ZDHHC7: variants seen among roughly 807,000 people sequenced by gnomAD.
ZDHHC7 encodes palmitoyltransferase ZDHHC7.
ZDHHC7 carries 12 observed loss-of-function variants against 34.1 expected under a neutral mutation model. The ratio of observed to expected loss-of-function variants is 0.35; its 90% CI spans 0.23 to 0.57. The LOEUF (loss-of-function observed/expected upper bound fraction) is 0.57. Among genes scored for constraint, ZDHHC7 ranks in the 20% least tolerant of loss-of-function variants. The pLI is 0.84. For synonymous variants in ZDHHC7, 185 were observed against 155.4 expected (o/e 1.19, Z -1.42); for missense variants, 388 against 402.7 (o/e 0.96, Z 0.31).
At chr16:85,025,420 T>TGG in the ZDHHC7 span, among the ~76,000 whole-genome samples, 2 of 111,884 alleles carry the variant, frequency 1.8e-5, no homozygotes, top group African/African-American at 4.2e-5. Flanking sequence ...ATTCCTTTTT[T>TGG]GGGGGGGGGG....
At position 85,011,471 on chromosome 16, in the gene ZDHHC7, C is replaced by CA. The variant is rs1001452131; in HGVS notation, c.-290dup. On this transcript the variant is annotated 5_prime_UTR_variant, in exon 1 of 8. Coordinates refer to ENST00000313732, the MANE Select transcript of ZDHHC7 (RefSeq NM_017740.3). ...CGCCGGGCAGGTCGGAAGGAGGCTGCAGCCAAGCAAATGCCTCAGCCCGGA... is the reference window on the plus strand; with the variant it reads ...CGCCGGGCAGGTCGGAAGGAGGCTGCAAGCCAAGCAAATGCCTCAGCCCGGA... The CA allele has an allele frequency of 6.6e-6, 1 of 152,214 alleles. No homozygotes were observed. Among genetic ancestry groups the CA allele is most frequent in the Non-Finnish European group, 1.5e-5 (1 of 68,024 alleles). The allele number at this position is 152,214 out of a possible 1,614,324, so 9.4% of individuals were successfully genotyped here.
chr16:84,981,216 G>A (rs781603828), intron 4 of ZDHHC7, among the ~76,000 whole-genome samples: 6 of 152,178 alleles, frequency 3.9e-5, no homozygotes, highest in Non-Finnish European at 8.8e-5. Context: ...AGGATAAAAT[G>A]CAACCAAGAC....
upstream of ZDHHC7, among the ~76,000 whole-genome samples, chr16:85,016,252 G>A (rs2072833665): frequency 6.6e-6 from 1 of 151,936 alleles, no homozygotes; most frequent in African/African-American, 2.4e-5. Flanking sequence ...AAACTCCTGA[G>A]CTCACGTGAT....
chr16:84,998,482 G>A (rs7201277), intron 1 of ZDHHC7, among the ~76,000 whole-genome samples: 25,669 of 151,976 alleles, frequency 0.17, 2,968 homozygotes, highest in East Asian at 0.33. Context: ...CCCAGCTACT[G>A]TCTGTTGTCT....
intron 1 of ZDHHC7, among the ~76,000 whole-genome samples, chr16:85,003,613 A>T (rs1337467228): frequency 6.6e-6 from 1 of 152,200 alleles, no homozygotes; most frequent in Non-Finnish European, 1.5e-5. Context: ...GAAAAAAAAA[A>T]TCCACACCAG....
intron 2 of ZDHHC7, among the ~76,000 whole-genome samples, chr16:84,993,481 T>G (rs78335679): frequency 7.4e-5 from 8 of 108,212 alleles, no homozygotes; most frequent in African/African-American, 1.5e-4. Flanking sequence ...AACAAAATTG[T>G]TTTTTTTTTT....
chr16:84,993,586 G>A (rs1477963572), intron 2 of ZDHHC7, among the ~76,000 whole-genome samples: 1 of 151,564 alleles, frequency 6.6e-6, no homozygotes, highest in Non-Finnish European at 1.5e-5. Context: ...AGGCTACAGT[G>A]AGCCACAATC....
At chr16:85,011,652 A>G (rs1010123594), upstream of ZDHHC7, 1 of 152,220 alleles carries the variant, frequency 6.6e-6, no homozygotes, top group Non-Finnish European at 1.5e-5. Flanking sequence ...CTGGCAGTTC[A>G]TTGAGAAAAG....
At chr16:84,983,615 G>A (rs2072399088) in intron 3 of ZDHHC7, among the ~76,000 whole-genome samples, 1 of 152,174 alleles carries the variant, frequency 6.6e-6, no homozygotes. Context: ...AGCTGTTTTG[G>A]TCAAGATCAA....
intron 2 of ZDHHC7, among the ~76,000 whole-genome samples, chr16:84,993,742 C>A (rs749478025): frequency 1.3e-5 from 2 of 152,150 alleles, no homozygotes; most frequent in Non-Finnish European, 2.9e-5. Flanking sequence ...ACCCCTTAGC[C>A]AACCATTCCT....
In ZDHHC7 at chr16:84,974,314, G is replaced by A. The variant is rs1369502051; in HGVS notation, c.*2029C>T. On this transcript the variant is annotated 3_prime_UTR_variant, in exon 8 of 8. Coordinates refer to ENST00000313732, the MANE Select transcript of ZDHHC7 (RefSeq NM_017740.3). The stretch of plus-strand genomic sequence containing the variant: ...TTGTGAGTCGCGCTTGAGTGCCCAG[G>A]TCACTTGTCATGGGCACAAAAGCAT... 1 of 152,190 alleles carries A rather than the reference G, an allele frequency of 6.6e-6. No homozygotes were observed. Among genetic ancestry groups the A allele is most frequent in the Non-Finnish European group, 1.5e-5 (1 of 68,034 alleles). The allele number at this position is 152,190 out of a possible 1,614,324, so 9.4% of individuals were successfully genotyped here. A position where few individuals can be genotyped will look rare whatever the true frequency, so the allele number is the denominator to read the frequency against.
upstream of ZDHHC7, among the ~76,000 whole-genome samples, chr16:85,016,142 T>C (rs994833983): frequency 7.2e-5 from 11 of 152,198 alleles, no homozygotes; most frequent in Non-Finnish European, 5.9e-5. Flanking sequence ...ATTCAGTTGG[T>C]TGGGGGGCTT....
At chr16:84,977,064 T>C in intron 7 of ZDHHC7, 31 bp downstream of exon 7, 1 of 1,613,304 alleles carries the variant, frequency 6.2e-7, no homozygotes, top group Non-Finnish European at 8.5e-7. Context: ...GGACCACATA[T>C]GAAGTCCACA....
the ZDHHC7 span, among the ~76,000 whole-genome samples, chr16:85,017,493 T>C: frequency 6.6e-6 from 1 of 152,160 alleles, no homozygotes; most frequent in African/African-American, 2.4e-5. Context: ...CCAAGAGACT[T>C]CTACTAGAAT....
chr16:84,993,442 C>T (rs535566985), intron 2 of ZDHHC7, among the ~76,000 whole-genome samples: 26 of 151,678 alleles, frequency 1.7e-4, no homozygotes, highest in Admixed American at 4.6e-4. Context: ...GACTGGCCTG[C>T]GCAACATGGG....
upstream of ZDHHC7, among the ~76,000 whole-genome samples, chr16:85,011,944 A>G (rs1389856592): frequency 6.6e-6 from 1 of 152,212 alleles, no homozygotes; most frequent in African/African-American, 2.4e-5. Flanking sequence ...ACTTGGGAAA[A>G]GAGGAAAGCG....
chr16:85,005,044 T>A (rs2072701543), intron 1 of ZDHHC7: 1 of 152,198 alleles, frequency 6.6e-6, no homozygotes, highest in South Asian at 2.1e-4. Flanking sequence ...TTCATCCCTG[T>A]ACGAGAGCCA....
At chr16:85,003,855 G>T (rs2072682972) in intron 1 of ZDHHC7, among the ~76,000 whole-genome samples, 1 of 152,096 alleles carries the variant, frequency 6.6e-6, no homozygotes, top group African/African-American at 2.4e-5. Context: ...GGAGTGAGGG[G>T]CCTGGGGGAC....
At chr16:85,008,160 A>G (rs1170337792) in intron 1 of ZDHHC7, among the ~76,000 whole-genome samples, 4 of 152,006 alleles carry the variant, frequency 2.6e-5, no homozygotes, top group Non-Finnish European at 5.9e-5. Flanking sequence ...ATCTTACCCA[A>G]AAAGAGGTCT....
Sources: allele counts gnomAD v4.1 joint callset (sites outside exome capture counted in the v4.1 genomes callset), GRCh38; gene constraint gnomAD v4.1.1; transcripts MANE v1.5; gene names NCBI Gene and HGNC (gene_info 2026-07-23, HGNC 2026-07-21).